The following TTC39C variants were observed in gnomAD, a reference collection of about 807,000 sequenced individuals.
The protein encoded by TTC39C is tetratricopeptide repeat protein 39C.
TTC39C carries 33 observed loss-of-function variants against 76.3 expected under a neutral mutation model. The observed-to-expected ratio is 0.43, with a 90% CI of 0.33 to 0.58. The LOEUF (loss-of-function observed/expected upper bound fraction) is 0.58, where lower values mean the gene tolerates loss of function less well. TTC39C is among the 20% of genes least tolerant of loss of function. The pLI is 0.04. For missense variants in TTC39C, 595 were observed against 701.4 expected (o/e 0.85, Z 1.71); for synonymous variants, 254 against 260.6 (o/e 0.97, Z 0.24).
intron 10 of TTC39C, among the ~76,000 whole-genome samples, chr18:24,127,762 C>T (rs1011085040): frequency 2.6e-5 from 4 of 152,210 alleles, no homozygotes; most frequent in Admixed American, 6.5e-5. Flanking sequence ...GTGATCCTCC[C>T]GCTTTGGTCT....
intron 1 of TTC39C, among the ~76,000 whole-genome samples, chr18:24,033,107 G>C (rs758350989): frequency 6.6e-6 from 1 of 152,102 alleles, no homozygotes; most frequent in Non-Finnish European, 1.5e-5. Flanking sequence ...ACAAAAATTC[G>C]CTGGGCCTGG....
intron 1 of TTC39C, among the ~76,000 whole-genome samples, chr18:24,046,661 T>C (rs1432320672): frequency 1.3e-5 from 2 of 151,890 alleles, no homozygotes; most frequent in Admixed American, 6.5e-5. Context: ...TGTTTCTCAA[T>C]ACTGCATATC....
intron 1 of TTC39C, among the ~76,000 whole-genome samples, chr18:23,999,912 C>A (rs1343673443): frequency 1.3e-5 from 2 of 152,246 alleles, no homozygotes; most frequent in Non-Finnish European, 2.9e-5. Flanking sequence ...CAAAAACTTA[C>A]TTTAGCTTCC....
intron 1 of TTC39C, among the ~76,000 whole-genome samples, chr18:24,018,476 T>G (rs2083481987): frequency 6.6e-6 from 1 of 152,136 alleles, no homozygotes; most frequent in South Asian, 2.1e-4. Context: ...AGACAGGCTG[T>G]GGGTTAGGTG....
chr18:24,065,933 T>G (rs1470094450), intron 2 of TTC39C, 79 bp from the exon 3 acceptor site: 1 of 1,400,010 alleles, frequency 7.1e-7, no homozygotes, highest in African/African-American at 1.5e-5. Flanking sequence ...TTTTTTTAAT[T>G]TGGAGTTTTC....
Position 24,128,883 on chromosome 18 carries a change from A to C in TTC39C, c.1421-3A>C. ...TGCTCTGTTCACTCCCCTTCTTTTT[A>C]AGCTTGCCATGAAGTGGATGACTCA... On this transcript the variant is annotated splice_region_variant and splice_polypyrimidine_tract_variant and intron_variant, in intron 10 of 13. Coordinates refer to ENST00000317571, the MANE Select transcript of TTC39C (RefSeq NM_001135993.2). The C allele has an allele frequency of 6.2e-7, 1 of 1,611,996 alleles. No homozygotes were observed. The highest frequency in any genetic ancestry group is 8.5e-7 in the Non-Finnish European group (1 of 1,179,126).
intron 1 of TTC39C, chr18:24,020,164 G>A: frequency 8.4e-7 from 1 of 1,196,898 alleles, no homozygotes. Context: ...GGGAAAGACA[G>A]GAAACTCATC....
chr18:24,082,239 G>C (rs140001352), intron 5 of TTC39C, among the ~76,000 whole-genome samples: 181 of 151,912 alleles, frequency 1.2e-3, no homozygotes, highest in African/African-American at 4.3e-3. Flanking sequence ...TGGAGCAAGG[G>C]AGTCTGAAGT....
intron 1 of TTC39C, chr18:24,020,334 A>G (rs1180379824): frequency 1.0e-6 from 1 of 988,108 alleles, no homozygotes. Flanking sequence ...GTAGAATAAT[A>G]GGAGAGTTTG....
chr18:24,057,693 C>T (rs921271281), intron 1 of TTC39C, among the ~76,000 whole-genome samples: 2 of 151,922 alleles, frequency 1.3e-5, no homozygotes, highest in Non-Finnish European at 2.9e-5. Flanking sequence ...GAATTATTTC[C>T]ACTTTGTGGC....
chr18:24,011,194 G>A (rs2083391226), upstream of TTC39C, among the ~76,000 whole-genome samples: 1 of 152,208 alleles, frequency 6.6e-6, no homozygotes, highest in African/African-American at 2.4e-5. Context: ...TAGTTTGGGT[G>A]AAATAGGTTC....
intron 6 of TTC39C, among the ~76,000 whole-genome samples, chr18:24,091,133 C>T (rs2084511530): frequency 6.6e-6 from 1 of 152,314 alleles, no homozygotes; most frequent in East Asian, 1.9e-4. Flanking sequence ...TTGACATGGA[C>T]ATCAAGACAC....
Position 24,123,948 on chromosome 18 carries a change from G to A in TTC39C, c.1296+5G>A, listed in dbSNP as rs1192277565. On this transcript the variant is annotated splice_donor_5th_base_variant and intron_variant, in intron 9 of 13. Coordinates refer to ENST00000317571, the MANE Select transcript of TTC39C (RefSeq NM_001135993.2). ...GAACAGTTCTCGGTGAAAAAGGTAT[G>A]TTGGAGCCTATTGATCTGGTGTATT... 6.3e-7 allele frequency: 1 copy of A among 1,598,860 alleles called. No individual in the cohort carries two copies. Among genetic ancestry groups the A allele is most frequent in the Non-Finnish European group, 8.5e-7 (1 of 1,171,782 alleles).
chr18:24,021,401 C>A (rs970412970), intron 1 of TTC39C, among the ~76,000 whole-genome samples: 4 of 152,108 alleles, frequency 2.6e-5, no homozygotes, highest in Admixed American at 6.6e-5. Flanking sequence ...AAAATGCCTT[C>A]CAGTTTCTGA....
chr18:24,011,745 G>T (rs2083394944), upstream of TTC39C, among the ~76,000 whole-genome samples: 1 of 152,206 alleles, frequency 6.6e-6, no homozygotes, highest in South Asian at 2.1e-4. Flanking sequence ...AACACCCACT[G>T]CAGAAAGGAA....
chr18:23,993,416 T>C (rs1253082390), intron 1 of TTC39C, among the ~76,000 whole-genome samples: 1 of 152,230 alleles, frequency 6.6e-6, no homozygotes, highest in East Asian at 1.9e-4. Context: ...CACACACAGA[T>C]GCTCAATAAA....
intron 6 of TTC39C, among the ~76,000 whole-genome samples, chr18:24,109,596 T>C (rs2084787390): frequency 6.6e-6 from 1 of 152,230 alleles, no homozygotes; most frequent in Non-Finnish European, 1.5e-5. Flanking sequence ...TTTATATAGT[T>C]CAGAGCACAG....
In TTC39C at chr18:24,114,666, TC is replaced by T; in HGVS notation, c.1078+21del. 1 of 1,570,956 alleles carries T rather than the reference TC, an allele frequency of 6.4e-7. No homozygotes were observed. The highest frequency in any genetic ancestry group is 1.7e-4 in the Middle Eastern group (1 of 5,984). On this transcript the variant is annotated intron_variant, in intron 7 of 13. Transcript: ENST00000317571. ...GAAATTGGTAAATATGAAATGTCTG[TC>T]CAGCCTCTTGTTAAGAAGTAGTATT...
chr18:23,994,849 C>G (rs1287959269), intron 1 of TTC39C, among the ~76,000 whole-genome samples: 1 of 151,990 alleles, frequency 6.6e-6, no homozygotes, highest in Non-Finnish European at 1.5e-5. Context: ...CCCTCAGAGA[C>G]TCTGATTTCA....
Sources: gnomAD v4.1 joint callset for allele counts (sites outside exome capture counted in the v4.1 genomes callset) on GRCh38, gnomAD v4.1.1 for gene constraint, MANE v1.5 for transcripts, NCBI Gene and HGNC (gene_info 2026-07-23, HGNC 2026-07-21) for gene names.